HEXB: variants seen among roughly 807,000 people sequenced by gnomAD.
HEXB encodes the protein beta-hexosaminidase subunit beta.
Under a neutral mutation model 71.2 loss-of-function variants are expected in HEXB, and 51 were observed. That is an observed-to-expected ratio of 0.72 (90% CI 0.57 to 0.90). HEXB has a LOEUF of 0.90. Among genes scored for constraint, HEXB ranks in the 40% least tolerant of loss-of-function variants. The pLI is 0.00. For missense variants in HEXB, 617 were observed against 677.0 expected, an observed-to-expected ratio of 0.91 and a Z score of 0.98; for synonymous variants, 266 against 249.3, an observed-to-expected ratio of 1.07 and a Z score of -0.63.
At chr5:74,660,625 C>T (rs1294936101) in intron 1 of HEXB, among the ~76,000 whole-genome samples, 3 of 152,210 alleles carry the variant, frequency 2.0e-5, no homozygotes, top group East Asian at 3.8e-4. Flanking sequence ...AGAATTAGAA[C>T]TTGTTTGCCT....
At chr5:74,704,964 C>T (rs1050960692) in intron 5 of HEXB, among the ~76,000 whole-genome samples, 6 of 151,762 alleles carry the variant, frequency 4.0e-5, no homozygotes, top group African/African-American at 1.2e-4. Flanking sequence ...TGGTAGTGGG[C>T]GCCTGTAGTC....
chr5:74,642,328 T>C lies in HEXB; in HGVS notation c.-377+1770T>C, dbSNP rs185647505. On this transcript the variant is annotated intron_variant, in intron 1 of 13. Coordinates refer to the HEXB transcript ENST00000511181. ...CACAGAGACAGCCCGGATCAATTCATGTCAAGAACCACGTATGGAGAGCCA... is the reference window on the plus strand; with the variant it reads ...CACAGAGACAGCCCGGATCAATTCACGTCAAGAACCACGTATGGAGAGCCA... Among the ~76,000 whole-genome samples, 719 of 152,016 alleles carry C rather than the reference T, an allele frequency of 4.7e-3. 7 individuals are homozygous for C. Among genetic ancestry groups the C allele is most frequent in the African/African-American group, 0.017 (687 of 41,434 alleles).
rs1264797297 is a variant in HEXB, at chr5:74,652,781, C to T, written c.-377+12223C>T. 1.3e-5 allele frequency among the ~76,000 whole-genome samples: 2 copies of T among 152,156 alleles called. No homozygotes were observed. The highest frequency in any genetic ancestry group is 2.1e-4 in the South Asian group (1 of 4,828). On this transcript the variant is annotated intron_variant, in intron 1 of 13. Coordinates refer to the HEXB transcript ENST00000511181. This position sits in a 1 kb window ranked among gnomAD's most constrained non-coding sequence, Gnocchi z 5.4. ...CCAGCTCCGAGATAACCATCACCCTCTCTGAGCTCCAATAAGGTGGCTACT... is the reference window on the plus strand; with the variant it reads ...CCAGCTCCGAGATAACCATCACCCTTTCTGAGCTCCAATAAGGTGGCTACT...
At chr5:74,640,193 A>G (rs1401078804) in exon 1 of HEXB, 1 of 151,892 alleles carries the variant, frequency 6.6e-6, no homozygotes, top group East Asian at 1.9e-4. Flanking sequence ...CCTCTAGTCG[A>G]AGCTCCCGAG....
chr5:74,700,435 CTT>C (rs1373904518), intron 5 of HEXB, among the ~76,000 whole-genome samples: 1 of 151,482 alleles, frequency 6.6e-6, no homozygotes, highest in East Asian at 1.9e-4. Flanking sequence ...TTATATGTAT[CTT>C]ATTTTTAAAA....
chr5:74,665,988 TACC>T (rs1561206492), intron 1 of HEXB, among the ~76,000 whole-genome samples: 1 of 152,220 alleles, frequency 6.6e-6, no homozygotes, highest in East Asian at 1.9e-4. Flanking sequence ...AACACAGAAG[TACC>T]ACATCTGGTC....
Position 74,685,414 on chromosome 5 carries a change from C to T in HEXB, c.154C>T (p.Pro52Ser), listed in dbSNP as rs11556043. Residue 52 changes from proline (P) to serine (S), a missense_variant, in exon 1 of 14, where the codon CCG becomes TCG. By Grantham distance (74) the Pro-to-Ser change is moderately conservative (BLOSUM62 -1). Coordinates refer to ENST00000261416, the MANE Select transcript of HEXB (RefSeq NM_000521.4). ...TCGGGCCCCGAGCGTCTCGGCCAAG[C>T]CGGGGCCGGCGCTGTGGCCCCTGCC... is the stretch of plus-strand genomic sequence containing the variant. ...AARAPSVSAK[P>S]GPALWPLPLL... 6.3e-7 allele frequency: 1 copy of T among 1,598,774 alleles called. No homozygotes were observed. Among genetic ancestry groups the T allele is most frequent in the Non-Finnish European group, 8.5e-7 (1 of 1,174,616 alleles).
chr5:74,666,196 T>A (rs1748428752), intron 1 of HEXB, among the ~76,000 whole-genome samples: 1 of 152,236 alleles, frequency 6.6e-6, no homozygotes, highest in Non-Finnish European at 1.5e-5. Context: ...GACAAGTAAT[T>A]TATGACAGGC....
upstream of HEXB, among the ~76,000 whole-genome samples, chr5:74,682,343 G>C (rs1293088681): frequency 6.6e-6 from 1 of 152,196 alleles, no homozygotes; most frequent in East Asian, 1.9e-4. Context: ...GGGCGATAGA[G>C]CGAGACTCCG....
chr5:74,653,038 T>C (rs894002024), intron 1 of HEXB, among the ~76,000 whole-genome samples: 2 of 152,108 alleles, frequency 1.3e-5, no homozygotes, highest in Non-Finnish European at 2.9e-5. Context: ...GAGGACCCAA[T>C]AGAAAAGTAT....
intron 1 of HEXB, among the ~76,000 whole-genome samples, chr5:74,651,043 T>G (rs1468765514): frequency 2.6e-5 from 4 of 152,286 alleles, no homozygotes; most frequent in Admixed American, 2.6e-4. Context: ...GGGATAATTT[T>G]CATAAAGCAA....
In HEXB at chr5:74,641,509, C is replaced by A. The variant is rs1474328633; in HGVS notation, c.-377+951C>A. 1 of 152,304 alleles carries A rather than the reference C, an allele frequency of 6.6e-6. No individual in the cohort carries two copies. Among genetic ancestry groups the A allele is most frequent in the East Asian group, 1.9e-4 (1 of 5,188 alleles). 9.4% of individuals were successfully genotyped at this position (152,304 alleles called of 1,614,324 possible). ...GTGCTTTTCAGCCAATCGCCGCGGC[C>A]GCTTGATTCAAAGTGAACTCCTCAA... On this transcript the variant is annotated intron_variant, in intron 1 of 13. Transcript: ENST00000511181. This position sits in a 1 kb window ranked among gnomAD's most constrained non-coding sequence, Gnocchi z 4.1.
chr5:74,680,086 C>A (rs1348970812), intron 1 of HEXB, among the ~76,000 whole-genome samples: 1 of 152,076 alleles, frequency 6.6e-6, no homozygotes, highest in Non-Finnish European at 1.5e-5. Flanking sequence ...GTAAGATTAA[C>A]AAGGAACCAA....
Position 74,685,534 on chromosome 5 carries a change from AC to A in HEXB, c.277del (p.Leu93CysfsTer61). 1 of 1,587,508 alleles carries A rather than the reference AC, an allele frequency of 6.3e-7. No homozygotes were observed. Among genetic ancestry groups the A allele is most frequent in the African/African-American group, 1.4e-5 (1 of 72,236 alleles). On this transcript the variant is annotated frameshift_variant, in exon 1 of 14. Coordinates refer to ENST00000261416, the MANE Select transcript of HEXB (RefSeq NM_000521.4). LOFTEE classifies it high-confidence loss of function. The part of the protein sequence containing the change: ...SPNSTAGPSC[T>X]LLEEAFRRYH... ...CAATTCCACGGCGGGCCCCTCCTGC[AC>A]CCTGCTGGAGGAAGCGTTTCGACGG...
At position 74,661,504 on chromosome 5, in the gene HEXB, T is replaced by C. The variant is rs575833642; in HGVS notation, c.-377+20946T>C. 2.8e-3 allele frequency among the ~76,000 whole-genome samples: 235 copies of C among 85,160 alleles called. 1 individual carries two copies. The highest frequency in any genetic ancestry group is 9.1e-3 in the African/African-American group (221 of 24,188). 55.9% of individuals were successfully genotyped at this position (85,160 alleles called of 152,430 possible). On this transcript the variant is annotated intron_variant, in intron 1 of 13. Transcript: ENST00000511181. The stretch of plus-strand genomic sequence containing the variant: ...CAACAAAGAAGTCATGAATTCATTT[T>C]CTCTCTCTCTGTGTGTGTGTGTGTG...
At chr5:74,649,917 C>A (rs1179681468) in intron 1 of HEXB, among the ~76,000 whole-genome samples, 1 of 152,166 alleles carries the variant, frequency 6.6e-6, no homozygotes, top group African/African-American at 2.4e-5. Context: ...CACTGTTTCC[C>A]CAACTATGAT....
At position 74,718,339 on chromosome 5, in the gene HEXB, G is replaced by A; in HGVS notation, c.1218G>A (p.Gln406=). The part of the protein sequence containing the change: ...ATINKGSIVW[Q]EVFDDKAKLA... ...TAAACAAGGGATCCATTGTCTGGCA[G>A]GAGGTTTTTGATGATAAAGCAAAGG... is the stretch of plus-strand genomic sequence containing the variant. The change falls in exon 10 of 14, where the codon CAG becomes CAA. Residue 406 remains glutamine, a synonymous_variant. Coordinates refer to ENST00000261416, the MANE Select transcript of HEXB (RefSeq NM_000521.4). 3 of 1,611,998 alleles carry A rather than the reference G, an allele frequency of 1.9e-6. No individual in the cohort carries two copies. Among genetic ancestry groups the A allele is most frequent in the East Asian group, 2.2e-5 (1 of 44,830 alleles).
intron 11 of HEXB, chr5:74,720,043 T>G: frequency 4.5e-6 from 1 of 221,026 alleles, no homozygotes; most frequent in Non-Finnish European, 9.1e-6. Context: ...ACTAAAAAAC[T>G]AGTATTCCAA....
chr5:74,720,947 T>G (rs1749828375), intron 13 of HEXB, 171 bp from the exon 14 acceptor site: 1 of 772,654 alleles, frequency 1.3e-6, no homozygotes, highest in Non-Finnish European at 2.2e-6. Flanking sequence ...TTGGTGTAAC[T>G]TAGAACTCCA....
Sources: allele counts gnomAD v4.1 joint callset (sites outside exome capture counted in the v4.1 genomes callset), GRCh38; gene constraint gnomAD v4.1.1; non-coding constraint Gnocchi (gnomAD v3.1); transcripts MANE v1.5; gene names NCBI Gene and HGNC (gene_info 2026-07-23, HGNC 2026-07-21).